MXRA5: variants seen among roughly 807,000 people sequenced by gnomAD.
MXRA5 encodes matrix remodeling associated 5.
Under a neutral mutation model 112.5 loss-of-function variants are expected in MXRA5, and 41 were observed. The observed-to-expected ratio is 0.36, with a 90% CI of 0.28 to 0.47. The LOEUF (loss-of-function observed/expected upper bound fraction) is 0.47. Among genes scored for constraint, MXRA5 ranks in the 20% least tolerant of loss-of-function variants. MXRA5 has a pLI of 0.99. For synonymous variants in MXRA5, 862 were observed against 900.8 expected, an observed-to-expected ratio of 0.96 and a Z score of 0.77; for missense variants, 2,150 against 2,251.0, an observed-to-expected ratio of 0.96 and a Z score of 0.91.
intron 4 of MXRA5, among the ~76,000 whole-genome samples, chrX:3,325,916 TAA>T: frequency 6.1e-5 from 1 of 16,362 alleles, no homozygotes; most frequent in Non-Finnish European, 1.6e-4. Context: ...TTTTAAATCA[TAA>T]ATTTATAATA....
chrX:3,344,712 C>T (rs1368023394), intron 1 of MXRA5, among the ~76,000 whole-genome samples: 2 of 111,554 alleles, frequency 1.8e-5, no homozygotes, highest in African/African-American at 6.5e-5. Flanking sequence ...TCTTGAATGG[C>T]GTTCACTTAA....
intron 4 of MXRA5, among the ~76,000 whole-genome samples, chrX:3,329,774 C>A (rs923400788): frequency 2.7e-5 from 3 of 111,772 alleles, no homozygotes; most frequent in African/African-American, 9.7e-5. Context: ...CTGTATGTAA[C>A]TGATTACATG....
At chrX:3,343,062 G>A (rs902888993) in intron 2 of MXRA5, among the ~76,000 whole-genome samples, 2 of 112,081 alleles carry the variant, frequency 1.8e-5, no homozygotes, top group African/African-American at 6.5e-5. Context: ...CTAACACTTC[G>A]GTCCACACAA....
At chrX:3,341,043 G>GTGTATAATATATATTATATAT in intron 2 of MXRA5, among the ~76,000 whole-genome samples, 1 of 26,298 alleles carries the variant, frequency 3.8e-5, no homozygotes, top group East Asian at 7.7e-4. Context: ...AATATATATT[G>GTGTATAATATATATTATATAT]TGTATAATAT....
rs765614561 is a variant in MXRA5 at position 3,330,889 on chromosome X, T to C, written c.189-116A>G. 1.7e-5 allele frequency: 8 copies of C among 457,584 alleles called. No individual in the cohort carries two copies. The South Asian group carries it at 3.8e-4, about 22-fold the overall frequency. 37.7% of individuals were successfully genotyped at this position (457,584 alleles called of 1,213,427 possible). A position where few individuals can be genotyped will look rare whatever the true frequency, so the allele number is the denominator to read the frequency against. ...CCTGCCCAAGAGCAAATTAGTAAAA[T>C]GGTGAGTCTTTTTGTCTATTTATTT... On this transcript the variant is annotated intron_variant, in intron 2 of 6. Transcript: ENST00000217939.
chrX:3,322,401 A>G lies in MXRA5; in HGVS notation c.3284T>C (p.Leu1095Ser), dbSNP rs767965098. 20 of 1,211,727 alleles carry G rather than the reference A, an allele frequency of 1.7e-5. No individual in the cohort carries two copies. In the South Asian group the frequency reaches 3.2e-4, roughly 19 times the overall value. The change falls in exon 5 of 7, where the codon TTG (leucine) becomes TCG (serine). Residue 1095 changes from leucine to serine, a missense_variant. Leu to Ser is a moderately radical substitution (Grantham distance 145). Transcript: ENST00000217939. ...SEGQESKSIT[L>S]PDSTLGIMSS... ...CATTATACCCAGTGTGGAGTCAGGC[A>G]AAGTGATGGATTTGCTCTCTTGGCC...
chrX:3,330,229 C>T lies in MXRA5; in HGVS notation c.498G>A (p.Leu166=). 2 of 1,210,706 alleles carry T rather than the reference C, an allele frequency of 1.7e-6. No individual in the cohort carries two copies. Among genetic ancestry groups the T allele is most frequent in the Non-Finnish European group, 2.2e-6 (2 of 895,103 alleles). Residue 166 remains leucine (L), a synonymous_variant, in exon 4 of 7, where the codon CTG becomes CTA. Coordinates refer to ENST00000217939, the MANE Select transcript of MXRA5 (RefSeq NM_015419.4). ...TGAACGTGGAGAAGGTGCTGGGGTG[C>T]AGCTGGTGGAGGAGATTTCCTTCCA... The part of the protein sequence containing the change: ...LHLEGNLLHQ[L]HPSTFSTFTF...
chrX:3,320,924 T>A lies in MXRA5; in HGVS notation c.4761A>T (p.Pro1587=). 8.3e-7 allele frequency: 1 copy of A among 1,211,904 alleles called. No individual in the cohort carries two copies. The highest frequency in any genetic ancestry group is 1.1e-6 in the Non-Finnish European group (1 of 895,573). ...CCTGGCGTTGGCTATCTGGGCCACG[T>A]GGTAGACTCCTACTACCAAATACTT... ...EKQVFGSRSL[P]RGPDSQRQDG... The change falls in exon 5 of 7, where the codon CCA becomes CCT. Residue 1587 remains proline, a synonymous_variant. Transcript: ENST00000217939.
In MXRA5 at chrX:3,324,713, G is replaced by A. The variant is rs754194408; in HGVS notation, c.972C>T (p.Asp324=). 2.2e-5 allele frequency: 27 copies of A among 1,208,286 alleles called. No individual in the cohort carries two copies. In the South Asian group the frequency reaches 3.5e-4, roughly 16 times the overall value. Residue 324 remains aspartate, a synonymous_variant, in exon 5 of 7, where the codon GAC becomes GAT. Coordinates refer to ENST00000217939, the MANE Select transcript of MXRA5 (RefSeq NM_015419.4). ...CCAAGTTCACCATGTTCCCGTGCTC[G>A]TCGGTCATATTCAAAGAGATGCTCC... The part of the protein sequence containing the change: ...PQWSISLNMT[D]EHGNMVNLVC...
rs1375836644 is a variant in MXRA5, at chrX:3,308,933, G to T, written c.*783C>A. Reference sequence around the variant, plus strand: ...TATAACAGTGGTGACTGAATTTGAAGGAGGTTGGAGAGAAATTTTTTAAAA... The same window carrying T: ...TATAACAGTGGTGACTGAATTTGAATGAGGTTGGAGAGAAATTTTTTAAAA... On this transcript the variant is annotated 3_prime_UTR_variant, in exon 7 of 7. Coordinates refer to ENST00000217939, the MANE Select transcript of MXRA5 (RefSeq NM_015419.4). The T allele has an allele frequency of 9.0e-6, 1 of 111,682 alleles. No homozygotes were observed. Among genetic ancestry groups the T allele is most frequent in the Non-Finnish European group, 1.9e-5 (1 of 53,188 alleles). 9.2% of individuals were successfully genotyped at this position (111,682 alleles called of 1,213,427 possible).
intron 2 of MXRA5, among the ~76,000 whole-genome samples, chrX:3,341,104 A>ATATTACG (rs1921920528): frequency 3.2e-3 from 103 of 31,840 alleles, no homozygotes; most frequent in African/African-American, 0.011. Flanking sequence ...GTTATACATA[A>ATATTACG]TATAATATAA....
rs776090640 is a variant in MXRA5 at position 3,317,266 on chromosome X, C to A, written c.6415G>T (p.Val2139Leu). The part of the protein sequence containing the change: ...GSARRTVQLN[V>L]QRAAANARIT... ...CGCGCGTTGGCTGCTGCACGCTGCACGTTCAGCTGCACCGTCCTGCGCGCG... is the reference window on the plus strand; with the variant it reads ...CGCGCGTTGGCTGCTGCACGCTGCAAGTTCAGCTGCACCGTCCTGCGCGCG... Residue 2139 changes from valine to leucine, a missense_variant, in exon 6 of 7, where the codon GTG (valine) becomes TTG (leucine). Physicochemically the swap from Val to Leu is conservative, Grantham distance 32. Transcript: ENST00000217939. 1 of 1,209,580 alleles carries A rather than the reference C, an allele frequency of 8.3e-7. No homozygotes were observed. Among genetic ancestry groups the A allele is most frequent in the Non-Finnish European group, 1.1e-6 (1 of 894,542 alleles).
At position 3,323,193 on chromosome X, in the gene MXRA5, G is replaced by A. The variant is rs1405395209; in HGVS notation, c.2492C>T (p.Pro831Leu). 2 of 1,211,712 alleles carry A rather than the reference G, an allele frequency of 1.7e-6. No homozygotes were observed. Among genetic ancestry groups the A allele is most frequent in the Non-Finnish European group, 2.2e-6 (2 of 895,522 alleles). The change falls in exon 5 of 7, where the codon CCT (proline) becomes CTT (leucine). Residue 831 changes from proline to leucine, a missense_variant. Physicochemically the swap from Pro to Leu is moderately conservative, Grantham distance 98. Around this residue, in one of 6 missense-constraint regions of MXRA5, gnomAD observed 1,485 missense variants for 1,471.6 expected, o/e 1.01. Coordinates refer to ENST00000217939, the MANE Select transcript of MXRA5 (RefSeq NM_015419.4). ...FPAISPPSAS[P>L]VQTVTSAEES... ...TTCAGCACTGGTTACTGTCTGCACA[G>A]GAGATGCTGAGGGGGGAGAAATAGC...
chrX:3,332,845 T>C (rs1237087626), intron 2 of MXRA5, among the ~76,000 whole-genome samples: 11 of 111,996 alleles, frequency 9.8e-5, no homozygotes, highest in Non-Finnish European at 1.9e-4. Context: ...ATTAAAAGAA[T>C]TGGGCTCATA....
In MXRA5 at chrX:3,346,555, G is replaced by C. The variant is rs1308859568; in HGVS notation, c.-69C>G. 24 of 753,247 alleles carry C rather than the reference G, an allele frequency of 3.2e-5. No individual in the cohort carries two copies. The highest frequency in any genetic ancestry group is 3.8e-5 in the Non-Finnish European group (24 of 639,092). 62.1% of individuals were successfully genotyped at this position (753,247 alleles called of 1,213,427 possible). A position where few individuals can be genotyped will look rare whatever the true frequency, so the allele number is the denominator to read the frequency against. On this transcript the variant is annotated 5_prime_UTR_variant, in exon 1 of 7. Transcript: ENST00000217939. ...CGCCGCACACGGGAGCGGTGCGCCG[G>C]GAGCATCCACCGAGCCGGGGCGCGC...
rs776771455 is a variant in MXRA5, at chrX:3,324,783, T to C, written c.902A>G (p.Asp301Gly). Residue 301 changes from aspartate (D) to glycine (G), a missense_variant, in exon 5 of 7, where the codon GAT (aspartate) becomes GGT (glycine). Asp to Gly is a moderately conservative substitution (Grantham distance 94). Transcript: ENST00000217939. ...SIEEEQEQEE[D>G]GGSQLILEKF... ...CTCCAGGATGAGCTGGCTGCCACCA[T>C]CCTCTTCCTGTTCTTGCTCCTCCTC... 8.3e-7 allele frequency: 1 copy of C among 1,210,599 alleles called. No homozygotes were observed.
intron 4 of MXRA5, among the ~76,000 whole-genome samples, chrX:3,329,791 A>G (rs189897381): frequency 1.1e-3 from 127 of 111,770 alleles, no homozygotes; most frequent in Non-Finnish European, 4.1e-4. Context: ...CATGAGCACT[A>G]CATTTCACTA....
rs1397419836 is a variant in MXRA5 at position 3,320,095 on chromosome X, A to G, written c.5590T>C (p.Ser1864Pro). 1.7e-6 allele frequency: 2 copies of G among 1,211,646 alleles called. No homozygotes were observed. ...QILTKSPQTVSVTAETDTVFP... is the reference protein window; with the variant it reads ...QILTKSPQTVPVTAETDTVFP... Reference sequence around the variant, plus strand: ...ACAGTGTCTGTCTCAGCGGTGACGGACACAGTCTGTGGGGACTTGGTGAGG... The same window carrying G: ...ACAGTGTCTGTCTCAGCGGTGACGGGCACAGTCTGTGGGGACTTGGTGAGG... Residue 1864 changes from serine (S) to proline (P), a missense_variant, in exon 5 of 7, where the codon TCC (serine) becomes CCC (proline). By Grantham distance (74) the Ser-to-Pro change is moderately conservative. This residue lies in a region of MXRA5 where 1,485 missense variants were observed against 1,471.6 expected (regional missense o/e 1.01). Transcript: ENST00000217939.
intron 2 of MXRA5, among the ~76,000 whole-genome samples, chrX:3,341,094 GTTATACATAA>G (rs1921918010): frequency 1.2e-4 from 2 of 16,409 alleles, no homozygotes; most frequent in African/African-American, 1.7e-4. Context: ...TACATAATAT[GTTATACATAA>G]TATAATATAA....
Sources: gnomAD v4.1 joint callset for allele counts (sites outside exome capture counted in the v4.1 genomes callset) on GRCh38, gnomAD v4.1.1 for gene constraint, gnomAD v4.1.1 regional missense constraint, MANE v1.5 for transcripts, NCBI Gene and HGNC (gene_info 2026-07-23, HGNC 2026-07-21) for gene names.